DDX60L: variants seen among roughly 807,000 people sequenced by gnomAD.
DDX60L encodes the protein DExD/H-box 60 like.
DDX60L carries 191 observed loss-of-function variants against 211.6 expected under a neutral mutation model. That is an observed-to-expected ratio of 0.90 (90% CI 0.80 to 1.02). DDX60L has a LOEUF of 1.02. Among genes scored for constraint, DDX60L ranks in the 50% least tolerant of loss-of-function variants. The pLI is 0.00. For missense variants in DDX60L, 2,007 were observed against 1,984.1 expected (o/e 1.01, Z -0.22); for synonymous variants, 706 against 694.1 (o/e 1.02, Z -0.27).
chr4:168,398,636 G>A (rs1195103235), intron 26 of DDX60L, among the ~76,000 whole-genome samples: 3 of 152,188 alleles, frequency 2.0e-5, no homozygotes, highest in African/African-American at 7.2e-5. Flanking sequence ...CTCCAGGCCT[G>A]CCCATGGCCA....
chr4:168,446,104 A>G (rs1277399611), intron 9 of DDX60L, among the ~76,000 whole-genome samples: 2 of 151,250 alleles, frequency 1.3e-5, no homozygotes, highest in Non-Finnish European at 2.9e-5. Context: ...CTGTTTGCAG[A>G]CGACATGATT....
chr4:168,476,610 A>C (rs1387999888), intron 1 of DDX60L, among the ~76,000 whole-genome samples: 3 of 151,810 alleles, frequency 2.0e-5, no homozygotes, highest in Admixed American at 2.0e-4. Context: ...TTTATACACC[A>C]ACTGTAATGT....
intron 36 of DDX60L, among the ~76,000 whole-genome samples, chr4:168,362,154 G>A (rs1440590476): frequency 6.6e-6 from 1 of 152,198 alleles, no homozygotes; most frequent in Non-Finnish European, 1.5e-5. Context: ...CAGGGCAGAG[G>A]TGGCCCCACC....
At chr4:168,379,088 C>G (rs1356131171) in intron 32 of DDX60L, among the ~76,000 whole-genome samples, 1 of 152,156 alleles carries the variant, frequency 6.6e-6, no homozygotes, top group Non-Finnish European at 1.5e-5. Context: ...CCATCAGAAA[C>G]TTATTGTCTT....
intron 9 of DDX60L, among the ~76,000 whole-genome samples, chr4:168,442,318 C>A (rs201953279): frequency 1.3e-5 from 2 of 152,164 alleles, no homozygotes; most frequent in Non-Finnish European, 2.9e-5. Context: ...CGGCGCACCA[C>A]GAGATTATAT....
intron 22 of DDX60L, among the ~76,000 whole-genome samples, chr4:168,414,911 A>T (rs993476976): frequency 7.3e-5 from 11 of 151,488 alleles, no homozygotes; most frequent in African/African-American, 1.9e-4. Flanking sequence ...GCACAAAAAA[A>T]TAGATAGAAT....
intron 9 of DDX60L, among the ~76,000 whole-genome samples, chr4:168,445,580 A>G (rs553979073): frequency 6.5e-4 from 99 of 152,314 alleles, no homozygotes; most frequent in South Asian, 2.1e-3. Context: ...CAACAAAAGA[A>G]GAGAATTTTA....
chr4:168,450,813 G>A (rs1383566254), intron 8 of DDX60L, among the ~76,000 whole-genome samples: 1 of 152,092 alleles, frequency 6.6e-6, no homozygotes. Flanking sequence ...AGGCTGAGGT[G>A]GGAGGATCAC....
chr4:168,474,323 C>G (rs1303833279), intron 1 of DDX60L, among the ~76,000 whole-genome samples: 3 of 151,962 alleles, frequency 2.0e-5, no homozygotes, highest in Admixed American at 2.0e-4. Flanking sequence ...TTATTAAGCA[C>G]TGTAGTTTTT....
At chr4:168,396,202 C>G in intron 26 of DDX60L, 78 bp from the exon 27 acceptor site, 1 of 881,012 alleles carries the variant, frequency 1.1e-6, no homozygotes, top group East Asian at 2.8e-5. Context: ...TAAGGCCCCA[C>G]AGATTTCCCT....
intron 10 of DDX60L, among the ~76,000 whole-genome samples, chr4:168,435,564 A>G (rs1375696096): frequency 6.6e-6 from 1 of 152,154 alleles, no homozygotes; most frequent in Non-Finnish European, 1.5e-5. Context: ...GTTTGAGCAA[A>G]ATAATATACC....
intron 18 of DDX60L, 138 bp downstream of exon 18, chr4:168,420,123 T>C (rs549515020): frequency 1.5e-4 from 113 of 750,836 alleles, no homozygotes; most frequent in Admixed American, 4.0e-4. Context: ...TAAATTTTCC[T>C]TAGAGCAATT....
At chr4:168,374,313 C>T (rs1180779490) in intron 34 of DDX60L, among the ~76,000 whole-genome samples, 3 of 152,106 alleles carry the variant, frequency 2.0e-5, no homozygotes, top group Non-Finnish European at 4.4e-5. Flanking sequence ...CCTACATCAA[C>T]AAATCTTGAG....
At chr4:168,384,889 C>T (rs1743589460) in intron 29 of DDX60L, 77 bp from the exon 30 acceptor site, 3 of 1,361,914 alleles carry the variant, frequency 2.2e-6, no homozygotes, top group Non-Finnish European at 2.0e-6. Flanking sequence ...TATGACTTTA[C>T]ACTTGTTATC....
chr4:168,369,482 A>G (rs1560928071), intron 36 of DDX60L, among the ~76,000 whole-genome samples: 1 of 37,708 alleles, frequency 2.7e-5, no homozygotes, highest in Non-Finnish European at 5.5e-5. Flanking sequence ...TTTAAAAAAA[A>G]CAAAAAAAAA....
At chr4:168,404,895 G>A (rs780736102) in intron 24 of DDX60L, among the ~76,000 whole-genome samples, 1 of 152,114 alleles carries the variant, frequency 6.6e-6, no homozygotes. Flanking sequence ...ATCATTTGAG[G>A]GGTGGCAAAT....
At position 168,439,486 on chromosome 4, in the gene DDX60L, A is replaced by G. The variant is rs150587096; in HGVS notation, c.1294+1851T>C. 9.0e-3 allele frequency among the ~76,000 whole-genome samples: 1,373 copies of G among 152,220 alleles called. 9 individuals carry two copies. Among genetic ancestry groups the G allele is most frequent in the Non-Finnish European group, 0.015 (987 of 68,030 alleles). ...TGCCCTATAAATTTTGGACTTGCCGAGCCAGTCCCTATAATCAGGTAAGGT... is the reference window on the plus strand; with the variant it reads ...TGCCCTATAAATTTTGGACTTGCCGGGCCAGTCCCTATAATCAGGTAAGGT... On this transcript the variant is annotated intron_variant, in intron 10 of 37. Transcript: ENST00000682922.
chr4:168,424,468 C>G (rs1039489379), intron 14 of DDX60L, among the ~76,000 whole-genome samples: 2 of 152,184 alleles, frequency 1.3e-5, no homozygotes, highest in African/African-American at 2.4e-5. Context: ...TACTGAGCAA[C>G]TGCTTATGCA....
At position 168,360,465 on chromosome 4, in the gene DDX60L, G is replaced by C. The variant is rs547874243; in HGVS notation, c.4991+684C>G. On this transcript the variant is annotated intron_variant, in intron 37 of 37. Coordinates refer to ENST00000682922, the MANE Select transcript of DDX60L (RefSeq NM_001012967.3). ...AAGGGTCAGACTCGGCTCAGACCAA[G>C]GAAAACCACAAATATGTCCTCACTA... 2.0e-5 allele frequency among the ~76,000 whole-genome samples: 3 copies of C among 152,172 alleles called. No homozygotes were observed. The East Asian group carries it at 5.8e-4, about 29-fold the overall frequency.
Sources: gnomAD v4.1 joint callset for allele counts (sites outside exome capture counted in the v4.1 genomes callset) on GRCh38, gnomAD v4.1.1 for gene constraint, MANE v1.5 for transcripts, NCBI Gene and HGNC (gene_info 2026-07-23, HGNC 2026-07-21) for gene names.